The following CPSF6 variants were observed in gnomAD, a reference collection of about 807,000 sequenced individuals.
CPSF6 encodes the protein cleavage and polyadenylation specificity factor subunit 6.
Under a neutral mutation model 56.7 loss-of-function variants are expected in CPSF6, and 10 were observed. The ratio of observed to expected loss-of-function variants is 0.18; its 90% CI spans 0.11 to 0.30. CPSF6 has a LOEUF of 0.30. Ranked by LOEUF, CPSF6 falls within the 10% of genes least tolerant of loss-of-function variation. CPSF6 has a pLI of 1.00. For synonymous variants in CPSF6, 248 were observed against 244.8 expected (o/e 1.01, Z -0.12); for missense variants, 419 against 722.9 (o/e 0.58, Z 4.82).
At chr12:69,256,219 G>A (rs1380295819) in intron 3 of CPSF6, among the ~76,000 whole-genome samples, 1 of 152,140 alleles carries the variant, frequency 6.6e-6, no homozygotes, top group African/African-American at 2.4e-5. Context: ...AGGGTACAGG[G>A]ATGGGAAGGA....
chr12:69,269,722 G>A lies in CPSF6; in HGVS notation c.*214G>A, dbSNP rs1873154612. ...ATGTTGCTTAACTGTTTTATTTGAAGGAAACCTGTGTGATTTAAAAAGTTA... is the reference window on the plus strand; with the variant it reads ...ATGTTGCTTAACTGTTTTATTTGAAAGAAACCTGTGTGATTTAAAAAGTTA... On this transcript the variant is annotated 3_prime_UTR_variant, in exon 10 of 10. Transcript: ENST00000435070. 1 of 203,026 alleles carries A rather than the reference G, an allele frequency of 4.9e-6. No individual in the cohort carries two copies. The highest frequency in any genetic ancestry group is 6.4e-5 in the South Asian group (1 of 15,688). 12.6% of individuals were successfully genotyped at this position (203,026 alleles called of 1,614,324 possible).
intron 1 of CPSF6, among the ~76,000 whole-genome samples, chr12:69,244,659 A>G (rs1025123143): frequency 1.3e-5 from 2 of 151,786 alleles, no homozygotes; most frequent in African/African-American, 4.8e-5. Flanking sequence ...CTCCCAAAGG[A>G]GGCTGGAATT....
In CPSF6 at chr12:69,257,183, A is replaced by G. The variant is rs548131354; in HGVS notation, c.520+341A>G. 7.6e-4 allele frequency among the ~76,000 whole-genome samples: 116 copies of G among 152,358 alleles called. 2 individuals carry two copies. Among genetic ancestry groups the G allele is most frequent in the Non-Finnish European group, 5.0e-4 (34 of 68,032 alleles). The stretch of plus-strand genomic sequence containing the variant: ...AAGGAGAGCTATGTGGATGTGTATT[A>G]TGGTGGGGGAGAGATCACTGATAAC... On this transcript the variant is annotated intron_variant, in intron 4 of 9. Transcript: ENST00000435070.
rs960943246 is a variant in CPSF6, at chr12:69,259,220, C to T, written c.1199+126C>T. The T allele has an allele frequency of 5.5e-6, 7 of 1,269,876 alleles. No homozygotes were observed. In the African/African-American group the frequency reaches 7.6e-5, roughly 14 times the overall value. 78.7% of individuals were successfully genotyped at this position (1,269,876 alleles called of 1,614,324 possible). A position where few individuals can be genotyped will look rare whatever the true frequency, so the allele number is the denominator to read the frequency against. ...CCAAGAAGATGAGGTGTTTAAGCTG[C>T]TACCCTGTTTTAGCTGAAAGATACT... is the stretch of plus-strand genomic sequence containing the variant. On this transcript the variant is annotated intron_variant, in intron 6 of 9. Transcript: ENST00000435070.
Position 69,260,099 on chromosome 12 carries a change from A to G in CPSF6, c.1371A>G (p.Gln457=), listed in dbSNP as rs778143750. The change falls in exon 8 of 10, where the codon CAA becomes CAG. Residue 457 remains glutamine, a synonymous_variant. Transcript: ENST00000435070. ...TLVTAISLIK[Q]SKVSADDRCK... is the part of the protein sequence containing the mutation. ...TAACTGCAATTTCTTTAATTAAACA[A>G]TCCAAAGTATCTGCTGATGATCGTT... 5 of 1,613,536 alleles carry G rather than the reference A, an allele frequency of 3.1e-6. No individual in the cohort carries two copies. The highest frequency in any genetic ancestry group is 1.1e-5 in the South Asian group (1 of 90,992).
chr12:69,260,575 G>C (rs1872702524), intron 8 of CPSF6, among the ~76,000 whole-genome samples: 2 of 152,102 alleles, frequency 1.3e-5, no homozygotes, highest in Admixed American at 1.3e-4. Context: ...AGTTTTCCCT[G>C]TCTCTTCACA....
chr12:69,243,388 G>A (rs1592790634), intron 1 of CPSF6, among the ~76,000 whole-genome samples: 1 of 152,122 alleles, frequency 6.6e-6, no homozygotes, highest in Non-Finnish European at 1.5e-5. Flanking sequence ...TCACGATGGC[G>A]GTATGTTCTG....
Position 69,270,711 on chromosome 12 carries a change from C to A in CPSF6, c.*1203C>A, listed in dbSNP as rs1873202194. 1 of 151,616 alleles carries A rather than the reference C, an allele frequency of 6.6e-6. No homozygotes were observed. The highest frequency in any genetic ancestry group is 2.4e-5 in the African/African-American group (1 of 41,390). 9.4% of individuals were successfully genotyped at this position (151,616 alleles called of 1,614,324 possible). A position where few individuals can be genotyped will look rare whatever the true frequency, so the allele number is the denominator to read the frequency against. ...TTGATTCATGCTATAGTTACTTAAT[C>A]AAAGATTTTTTTCAAACCTGCCTTA... On this transcript the variant is annotated 3_prime_UTR_variant, in exon 10 of 10. Transcript: ENST00000435070.
In CPSF6 at chr12:69,271,189, C is replaced by T. The variant is rs1873223236; in HGVS notation, c.*1681C>T. ...ATGGGATCGTTGATGTTTATCAGAA[C>T]TGTTCACTTTCAGAAATGATTTTTT... On this transcript the variant is annotated 3_prime_UTR_variant, in exon 10 of 10. Transcript: ENST00000435070. The T allele has an allele frequency of 6.6e-6, 1 of 152,116 alleles. No homozygotes were observed. Among genetic ancestry groups the T allele is most frequent in the Non-Finnish European group, 1.5e-5 (1 of 67,660 alleles). 9.4% of individuals were successfully genotyped at this position (152,116 alleles called of 1,614,324 possible). A position where few individuals can be genotyped will look rare whatever the true frequency, so the allele number is the denominator to read the frequency against.
At chr12:69,251,520 A>C (rs932086139) in intron 2 of CPSF6, among the ~76,000 whole-genome samples, 182 bp downstream of exon 2, 2 of 152,046 alleles carry the variant, frequency 1.3e-5, no homozygotes, top group African/African-American at 4.8e-5. Context: ...GAATTCTTCT[A>C]GTTTTGAGTT....
At position 69,268,064 on chromosome 12, in the gene CPSF6, A is replaced by G. The variant is rs79664930; in HGVS notation, c.*4-1448A>G. ...GGAGATAGCATTCTTTTGCAGTTAG[A>G]TTTATTAATTTCCCAGTAATTATTA... On this transcript the variant is annotated intron_variant, in intron 9 of 9. Coordinates refer to ENST00000435070, the MANE Select transcript of CPSF6 (RefSeq NM_007007.3). 3.0e-4 allele frequency among the ~76,000 whole-genome samples: 45 copies of G among 151,914 alleles called. No individual in the cohort carries two copies. The South Asian group carries it at 4.6e-3, about 15-fold the overall frequency.
At chr12:69,245,951 A>G (rs555333467) in intron 1 of CPSF6, among the ~76,000 whole-genome samples, 2 of 152,234 alleles carry the variant, frequency 1.3e-5, no homozygotes, top group African/African-American at 4.8e-5. Flanking sequence ...GCCAGGTATG[A>G]TAGTGCACAC....
At position 69,266,258 on chromosome 12, in the gene CPSF6, T is replaced by C. The variant is rs371828404; in HGVS notation, c.*4-3254T>C. 3.9e-5 allele frequency among the ~76,000 whole-genome samples: 6 copies of C among 152,320 alleles called. No individual in the cohort carries two copies. In the South Asian group the frequency reaches 6.2e-4, roughly 16 times the overall value. On this transcript the variant is annotated intron_variant, in intron 9 of 9. Coordinates refer to ENST00000435070, the MANE Select transcript of CPSF6 (RefSeq NM_007007.3). ...TCCTTGTTTTCCCATGTATCCTAAC[T>C]GCTCTGCTTCATCTGGATATGTATG...
chr12:69,261,773 G>A (rs375701192), intron 8 of CPSF6, among the ~76,000 whole-genome samples: 4 of 152,044 alleles, frequency 2.6e-5, no homozygotes, highest in East Asian at 1.9e-4. Flanking sequence ...TTAAAAAATC[G>A]CAGTTCATGA....
chr12:69,252,967 C>T (rs1872322193), intron 2 of CPSF6, 84 bp from the exon 3 acceptor site: 5 of 766,222 alleles, frequency 6.5e-6, no homozygotes, highest in Non-Finnish European at 1.0e-5. Flanking sequence ...TTTTATGTCT[C>T]AAATTTCCCC....
At chr12:69,248,116 A>G (rs1200919418) in intron 1 of CPSF6, among the ~76,000 whole-genome samples, 1 of 152,244 alleles carries the variant, frequency 6.6e-6, no homozygotes, top group Non-Finnish European at 1.5e-5. Context: ...ATAGGAATTC[A>G]TGGATGGACA....
At chr12:69,246,180 A>G (rs1871894851) in intron 1 of CPSF6, among the ~76,000 whole-genome samples, 1 of 152,232 alleles carries the variant, frequency 6.6e-6, no homozygotes, top group Admixed American at 6.5e-5. Flanking sequence ...GGACCTGGAC[A>G]TCCGATAAGT....
At chr12:69,253,423 T>C (rs1233045965) in intron 3 of CPSF6, among the ~76,000 whole-genome samples, 1 of 152,140 alleles carries the variant, frequency 6.6e-6, no homozygotes, top group Non-Finnish European at 1.5e-5. Flanking sequence ...GTGGTTGAAA[T>C]GGTTGTTGAA....
Position 69,258,963 on chromosome 12 carries a change from T to C in CPSF6, c.1068T>C (p.His356=). 1.2e-6 allele frequency: 2 copies of C among 1,613,994 alleles called. No individual in the cohort carries two copies. Among genetic ancestry groups the C allele is most frequent in the Non-Finnish European group, 1.7e-6 (2 of 1,180,042 alleles). The change falls in exon 6 of 10, where the codon CAT becomes CAC. Residue 356 remains histidine, a synonymous_variant. Transcript: ENST00000435070. The surrounding 1 kb of genome is among the most constrained non-coding windows in gnomAD (Gnocchi z 4.2). ...PPPGAPPPAP[H]VNPAFFPPPT... ...CAGGTGCCCCACCGCCAGCTCCGCA[T>C]GTGAACCCAGCTTTCTTTCCTCCAC...
Sources: allele counts gnomAD v4.1 joint callset (sites outside exome capture counted in the v4.1 genomes callset), GRCh38; gene constraint gnomAD v4.1.1; non-coding constraint Gnocchi (gnomAD v3.1); transcripts MANE v1.5; gene names NCBI Gene and HGNC (gene_info 2026-07-23, HGNC 2026-07-21).